Variants in SEMA3A observed in about 807,000 individuals in gnomAD.
SEMA3A encodes semaphorin-3A.
SEMA3A carries 29 observed loss-of-function variants against 97.9 expected under a neutral mutation model. That is an observed-to-expected ratio of 0.30 (90% CI 0.22 to 0.40). The LOEUF (loss-of-function observed/expected upper bound fraction) is 0.40. Among genes scored for constraint, SEMA3A ranks in the 10% least tolerant of loss-of-function variants. The probability of loss-of-function intolerance (pLI) is 1.00; values close to 1 mark genes in which losing one functional copy is unlikely to be tolerated. For synonymous variants in SEMA3A, 321 were observed against 323.7 expected (o/e 0.99, Z 0.09); for missense variants, 763 against 951.3 (o/e 0.80, Z 2.60).
intron 6 of SEMA3A, among the ~76,000 whole-genome samples, chr7:84,019,374 TAC>T (rs1791233923): frequency 6.8e-6 from 1 of 146,400 alleles, no homozygotes; most frequent in African/African-American, 2.5e-5. Flanking sequence ...ATTAGGAGTG[TAC>T]AGAGTAAAAA....
chr7:83,982,362 A>T (rs1584503169), intron 13 of SEMA3A, among the ~76,000 whole-genome samples: 1 of 152,324 alleles, frequency 6.6e-6, no homozygotes, highest in South Asian at 2.1e-4. Context: ...ATGGAAGATT[A>T]AAAAAATTGT....
At chr7:84,382,225 A>T in intron 1 of SEMA3A, among the ~76,000 whole-genome samples, 1 of 151,942 alleles carries the variant, frequency 6.6e-6, no homozygotes, top group Non-Finnish European at 1.5e-5. Context: ...CTCCTGCCTC[A>T]GCCTCCCTAG....
intron 1 of SEMA3A, among the ~76,000 whole-genome samples, chr7:84,402,956 G>GT (rs1803949057): frequency 6.6e-6 from 1 of 152,122 alleles, no homozygotes; most frequent in African/African-American, 2.4e-5. Flanking sequence ...CAAAAATACA[G>GT]TTAGGAGTGT....
chr7:84,200,787 G>T (rs180838057), intron 3 of SEMA3A, among the ~76,000 whole-genome samples: 9,342 of 132,348 alleles, frequency 0.071, 333 homozygotes, highest in African/African-American at 0.1. Flanking sequence ...AAAATACCTG[G>T]GTTTTTTTTC....
intron 12 of SEMA3A, among the ~76,000 whole-genome samples, chr7:83,991,498 A>G (rs982377905): frequency 2.0e-5 from 3 of 150,948 alleles, no homozygotes; most frequent in African/African-American, 4.9e-5. Flanking sequence ...CGTCCCATCA[A>G]TACCTAATTT....
chr7:83,989,223 T>G (rs1789780361), intron 12 of SEMA3A, among the ~76,000 whole-genome samples: 1 of 152,294 alleles, frequency 6.6e-6, no homozygotes, highest in South Asian at 2.1e-4. Context: ...GAAGTGAAAT[T>G]AGCTAGCTCT....
chr7:84,462,150 T>C (rs1805862609), intron 1 of SEMA3A, among the ~76,000 whole-genome samples: 3 of 152,100 alleles, frequency 2.0e-5, no homozygotes, highest in Admixed American at 6.5e-5. Context: ...CATTTTCCCA[T>C]ACAGCATTAA....
intron 1 of SEMA3A, among the ~76,000 whole-genome samples, chr7:84,478,928 C>T (rs1298535939): frequency 6.6e-6 from 1 of 151,868 alleles, no homozygotes; most frequent in Admixed American, 6.6e-5. Flanking sequence ...GATTATCAAC[C>T]TTATATAAAA....
Position 84,099,338 on chromosome 7 carries a change from G to T in SEMA3A, c.453+11132C>A. ...GCCCGCCTCGGCCTCCCAAAGTGCT[G>T]GGATTACAGGCGTGAGCCACCGCGC... On this transcript the variant is annotated intron_variant, in intron 4 of 16. Coordinates refer to ENST00000265362, the MANE Select transcript of SEMA3A (RefSeq NM_006080.3). Among the ~76,000 whole-genome samples, 4 of 55,016 alleles carry T rather than the reference G, an allele frequency of 7.3e-5. 2 individuals carry two copies. Among genetic ancestry groups the T allele is most frequent in the Non-Finnish European group, 2.5e-4 (4 of 15,854 alleles). 36.1% of individuals were successfully genotyped at this position (55,016 alleles called of 152,430 possible).
chr7:84,200,489 A>G (rs990262743), intron 3 of SEMA3A, among the ~76,000 whole-genome samples: 6 of 152,092 alleles, frequency 3.9e-5, no homozygotes, highest in African/African-American at 1.4e-4. Context: ...GAGAGTGACA[A>G]GAGAAGGGAT....
intron 15 of SEMA3A, among the ~76,000 whole-genome samples, chr7:83,965,292 A>G (rs905735070): frequency 3.3e-5 from 5 of 151,778 alleles, no homozygotes; most frequent in African/African-American, 1.2e-4. Flanking sequence ...CTTTCATTCA[A>G]TCTCTATATA....
At position 84,313,314 on chromosome 7, in the gene SEMA3A, C is replaced by T. The variant is rs1260676013; in HGVS notation, c.-168-6022G>A. 2.0e-4 allele frequency among the ~76,000 whole-genome samples: 19 copies of T among 93,742 alleles called. 1 individual carries two copies. Among genetic ancestry groups the T allele is most frequent in the African/African-American group, 3.9e-4 (9 of 22,822 alleles). The allele number at this position is 93,742 out of a possible 152,430, so 61.5% of individuals were successfully genotyped here. A position where few individuals can be genotyped will look rare whatever the true frequency, so the allele number is the denominator to read the frequency against. On this transcript the variant is annotated intron_variant, in intron 2 of 3. Coordinates refer to the SEMA3A transcript ENST00000424555. ...AAGATGTATATATATGTATTATATA[C>T]GTGTGTATATAATACATATATATAT...
chr7:83,982,975 G>A (rs1174661716), intron 13 of SEMA3A, among the ~76,000 whole-genome samples: 1 of 151,866 alleles, frequency 6.6e-6, no homozygotes, highest in Non-Finnish European at 1.5e-5. Context: ...AACCATTGTG[G>A]AAACATTTAT....
At chr7:84,248,141 T>C (rs1483463294) in intron 3 of SEMA3A, among the ~76,000 whole-genome samples, 3 of 152,170 alleles carry the variant, frequency 2.0e-5, no homozygotes, top group Non-Finnish European at 2.9e-5. Flanking sequence ...TGGTCTCCTT[T>C]CCAGTAAATG....
At chr7:84,394,234 G>C (rs1418130138) in intron 1 of SEMA3A, among the ~76,000 whole-genome samples, 1 of 152,202 alleles carries the variant, frequency 6.6e-6, no homozygotes, top group East Asian at 1.9e-4. Flanking sequence ...TGCCTTTTAA[G>C]ATAAACAATA....
At chr7:84,354,318 A>G (rs918776932) in intron 2 of SEMA3A, among the ~76,000 whole-genome samples, 10 of 151,632 alleles carry the variant, frequency 6.6e-5, no homozygotes, top group Admixed American at 4.6e-4. Context: ...ATGGCTCTGC[A>G]TTTACTCTTA....
At chr7:84,397,176 T>C (rs1461963071) in intron 1 of SEMA3A, among the ~76,000 whole-genome samples, 4 of 152,092 alleles carry the variant, frequency 2.6e-5, no homozygotes, top group African/African-American at 7.2e-5. Context: ...GCTTATGATA[T>C]CAAATAATAA....
intron 3 of SEMA3A, among the ~76,000 whole-genome samples, chr7:84,234,110 T>C (rs927790468): frequency 2.0e-5 from 3 of 152,012 alleles, no homozygotes; most frequent in African/African-American, 7.2e-5. Flanking sequence ...AAATACATTG[T>C]TTTACAGGGG....
At chr7:84,081,220 A>T (rs904377635) in intron 4 of SEMA3A, among the ~76,000 whole-genome samples, 10 of 152,106 alleles carry the variant, frequency 6.6e-5, no homozygotes, top group African/African-American at 2.4e-4. Context: ...TGGGGGCATG[A>T]TAGGCAAGAA....
Sources: allele counts gnomAD v4.1 joint callset (sites outside exome capture counted in the v4.1 genomes callset), GRCh38; gene constraint gnomAD v4.1.1; transcripts MANE v1.5; gene names NCBI Gene and HGNC (gene_info 2026-07-23, HGNC 2026-07-21).